GALNT14: variants seen among roughly 807,000 people sequenced by gnomAD.
GALNT14 encodes polypeptide N-acetylgalactosaminyltransferase 14.
In GALNT14, 60 loss-of-function variants were observed where a neutral mutation model predicts 77.5. The observed-to-expected ratio is 0.77, with a 90% CI of 0.63 to 0.96. The LOEUF (loss-of-function observed/expected upper bound fraction) is 0.96. GALNT14 is among the 40% of genes least tolerant of loss of function. The pLI is 0.00. For synonymous variants in GALNT14, 280 were observed against 281.7 expected (o/e 0.99, Z 0.06); for missense variants, 710 against 731.0 (o/e 0.97, Z 0.33).
At chr2:30,999,961 C>A (rs1021464000) in intron 1 of GALNT14, among the ~76,000 whole-genome samples, 1 of 152,216 alleles carries the variant, frequency 6.6e-6, no homozygotes, top group Non-Finnish European at 1.5e-5. Context: ...CAAAACTATT[C>A]TCACCGGTTG....
chr2:31,070,113 T>C (rs1280649494), intron 1 of GALNT14, among the ~76,000 whole-genome samples: 3 of 152,162 alleles, frequency 2.0e-5, no homozygotes, highest in Non-Finnish European at 4.4e-5. Context: ...ACTGGAGTGA[T>C]GTCCCAGGAA....
At chr2:30,909,068 T>A (rs1289137151), downstream of GALNT14, among the ~76,000 whole-genome samples, 2 of 152,020 alleles carry the variant, frequency 1.3e-5, no homozygotes, top group Non-Finnish European at 2.9e-5. Flanking sequence ...TCAAGATGGA[T>A]TAAAGACTTA....
rs527722534 is a variant in GALNT14, at chr2:30,959,369, G to T, written c.399-905C>A. ...TGACCCATTGCTCTCTTTATTGCCA[G>T]AGTCTAGCACAGAGCCTTGGTCCAT... On this transcript the variant is annotated intron_variant, in intron 3 of 14. Transcript: ENST00000349752. Among the ~76,000 whole-genome samples, 8 of 152,308 alleles carry T rather than the reference G, an allele frequency of 5.3e-5. No individual in the cohort carries two copies. In the South Asian group the frequency reaches 1.7e-3, roughly 32 times the overall value.
chr2:30,990,708 C>T (rs751660516), intron 2 of GALNT14, among the ~76,000 whole-genome samples: 1 of 152,212 alleles, frequency 6.6e-6, no homozygotes, highest in Admixed American at 6.5e-5. Flanking sequence ...TGCTTGCCCT[C>T]ATTCTCAATC....
intron 1 of GALNT14, among the ~76,000 whole-genome samples, chr2:31,024,254 T>C (rs1333263342): frequency 6.6e-6 from 1 of 152,102 alleles, no homozygotes; most frequent in East Asian, 1.9e-4. Flanking sequence ...CTCTTCCCCT[T>C]TCCCCTTAGA....
intron 8 of GALNT14, 77 bp from the exon 9 acceptor site, chr2:30,942,381 C>G: frequency 9.7e-7 from 1 of 1,034,094 alleles, no homozygotes; most frequent in Admixed American, 1.9e-5. Flanking sequence ...CCCCTTGAGT[C>G]TGAAACACCC....
intron 1 of GALNT14, among the ~76,000 whole-genome samples, chr2:31,055,539 G>T (rs909772978): frequency 3.9e-5 from 6 of 152,206 alleles, no homozygotes; most frequent in African/African-American, 1.4e-4. Context: ...TAATCTCTGA[G>T]CTCTGGTGTG....
At chr2:31,003,962 G>C (rs1015341596) in intron 1 of GALNT14, among the ~76,000 whole-genome samples, 6 of 152,310 alleles carry the variant, frequency 3.9e-5, no homozygotes, top group Admixed American at 3.3e-4. Context: ...TGATGTATCT[G>C]CTTCCTTCTT....
intron 3 of GALNT14, among the ~76,000 whole-genome samples, chr2:30,962,216 A>G (rs973903160): frequency 5.3e-5 from 8 of 152,144 alleles, no homozygotes; most frequent in Admixed American, 6.5e-5. Context: ...CTTCTCCACA[A>G]TGATGTCAGG....
chr2:30,957,264 ATC>A (rs1450274175), intron 4 of GALNT14, among the ~76,000 whole-genome samples: 2 of 152,228 alleles, frequency 1.3e-5, no homozygotes, highest in African/African-American at 2.4e-5. Flanking sequence ...CATATATACC[ATC>A]TCTGTTTTAT....
intron 9 of GALNT14, among the ~76,000 whole-genome samples, chr2:30,941,293 T>G (rs1666364555): frequency 6.6e-6 from 1 of 152,184 alleles, no homozygotes; most frequent in South Asian, 2.1e-4. Flanking sequence ...GCCACTATGC[T>G]AAGCACTGGA....
intron 3 of GALNT14, among the ~76,000 whole-genome samples, chr2:30,961,602 G>A (rs753086479): frequency 5.9e-5 from 9 of 152,040 alleles, no homozygotes; most frequent in Non-Finnish European, 1.3e-4. Context: ...GGATCCTGGA[G>A]CCAGCAGCAT....
intron 1 of GALNT14, among the ~76,000 whole-genome samples, chr2:31,013,828 G>A (rs945130685): frequency 2.0e-5 from 3 of 152,162 alleles, no homozygotes; most frequent in Non-Finnish European, 4.4e-5. Flanking sequence ...AACCAGTAGA[G>A]CACTGAATCT....
chr2:30,967,203 G>A (rs955373336), intron 2 of GALNT14, among the ~76,000 whole-genome samples: 1 of 152,112 alleles, frequency 6.6e-6, no homozygotes, highest in Non-Finnish European at 1.5e-5. Context: ...AGGGTTCAGA[G>A]ACCCAGGGAT....
chr2:30,909,715 T>C (rs1664252508), downstream of GALNT14, among the ~76,000 whole-genome samples: 1 of 152,114 alleles, frequency 6.6e-6, no homozygotes, highest in Non-Finnish European at 1.5e-5. Context: ...ACTGGGTATA[T>C]ACCCAAAGGA....
intron 1 of GALNT14, among the ~76,000 whole-genome samples, chr2:31,051,462 C>A (rs1428325653): frequency 1.3e-5 from 2 of 152,194 alleles, no homozygotes; most frequent in Non-Finnish European, 2.9e-5. Flanking sequence ...CAACACAGAA[C>A]CCCTGTCTGA....
At chr2:30,948,175 A>G (rs1666817265) in intron 6 of GALNT14, among the ~76,000 whole-genome samples, 1 of 152,264 alleles carries the variant, frequency 6.6e-6, no homozygotes, top group Non-Finnish European at 1.5e-5. Context: ...GTTCAGAGAT[A>G]TCTTCTGTAT....
At chr2:31,018,436 C>T (rs1480344200) in intron 1 of GALNT14, among the ~76,000 whole-genome samples, 3 of 152,172 alleles carry the variant, frequency 2.0e-5, no homozygotes, top group Admixed American at 2.0e-4. Flanking sequence ...TCTTACATGG[C>T]AGCAGGTGAC....
chr2:30,996,388 G>A (rs895472058), intron 1 of GALNT14, among the ~76,000 whole-genome samples: 2 of 152,256 alleles, frequency 1.3e-5, no homozygotes. Context: ...GGAGGACAAG[G>A]AGACCAGCTG....
Sources: allele counts gnomAD v4.1 joint callset (sites outside exome capture counted in the v4.1 genomes callset), GRCh38; gene constraint gnomAD v4.1.1; transcripts MANE v1.5; gene names NCBI Gene and HGNC (gene_info 2026-07-23, HGNC 2026-07-21).